Variants in MPZL3 observed in about 807,000 individuals in gnomAD.
MPZL3 encodes the protein myelin protein zero-like protein 3.
A neutral mutation model predicts 24.8 loss-of-function variants in MPZL3; 23 were observed. The observed-to-expected ratio is 0.93, with a 90% confidence interval of 0.67 to 1.31. The LOEUF (loss-of-function observed/expected upper bound fraction) is 1.31, where lower values mean the gene tolerates loss of function less well. MPZL3 is among the 40% of genes most tolerant of loss of function. The pLI is 0.00. For missense variants in MPZL3, 277 were observed against 294.9 expected (o/e 0.94, Z 0.44); for synonymous variants, 99 against 106.5 (o/e 0.93, Z 0.44).
chr11:118,236,929 A>G, intron 3 of MPZL3, 121 bp downstream of exon 3: 1 of 764,124 alleles, frequency 1.3e-6, no homozygotes. Flanking sequence ...ACTTCGATTC[A>G]ATGATTTAAT....
chr11:118,243,226 AT>A (rs1949517759), intron 1 of MPZL3, among the ~76,000 whole-genome samples: 1 of 152,136 alleles, frequency 6.6e-6, no homozygotes, highest in Admixed American at 6.5e-5. Context: ...CCATTCCATG[AT>A]TCCTCAAGCC....
rs1949307501 is a variant in MPZL3 at position 118,228,845 on chromosome 11, C to A, written c.*1049G>T. The A allele has an allele frequency of 2.0e-5, 3 of 152,192 alleles. No homozygotes were observed. In the South Asian group the frequency reaches 6.2e-4, roughly 32 times the overall value. The allele number at this position is 152,192 out of a possible 1,614,324, so 9.4% of individuals were successfully genotyped here. Reference sequence around the variant, plus strand: ...TTGTAGTTATAAGAAAATAAAATAACAGGCCAAGCACAGTGGCTCATGCCT... The same window carrying A: ...TTGTAGTTATAAGAAAATAAAATAAAAGGCCAAGCACAGTGGCTCATGCCT... On this transcript the variant is annotated 3_prime_UTR_variant, in exon 6 of 6. Coordinates refer to ENST00000278949, the MANE Select transcript of MPZL3 (RefSeq NM_198275.3).
At chr11:118,235,723 G>T (rs755592469) in intron 3 of MPZL3, 134 bp from the exon 4 acceptor site, 192 of 926,092 alleles carry the variant, frequency 2.1e-4, no homozygotes, top group Non-Finnish European at 2.8e-4. Context: ...GTGAAAGGTA[G>T]AAAATACACA....
chr11:118,242,544 T>C (rs1345916463), intron 1 of MPZL3, among the ~76,000 whole-genome samples: 3 of 152,112 alleles, frequency 2.0e-5, no homozygotes, highest in African/African-American at 7.2e-5. Context: ...AATCCCTTCA[T>C]CATTACTTGA....
At chr11:118,249,344 T>C (rs1456058276) in intron 1 of MPZL3, among the ~76,000 whole-genome samples, 10 of 152,204 alleles carry the variant, frequency 6.6e-5, no homozygotes, top group African/African-American at 2.4e-4. Flanking sequence ...TCTCTACATA[T>C]ATATACTGAA....
At chr11:118,237,619 G>A (rs1949443875) in intron 2 of MPZL3, among the ~76,000 whole-genome samples, 2 of 151,986 alleles carry the variant, frequency 1.3e-5, no homozygotes, top group Non-Finnish European at 2.9e-5. Context: ...GTAGGGGCCG[G>A]GAATGCTACT....
At position 118,240,276 on chromosome 11, in the gene MPZL3, C is replaced by A; in HGVS notation, c.175G>T (p.Asp59Tyr). 1 of 1,606,446 alleles carries A rather than the reference C, an allele frequency of 6.2e-7. No individual in the cohort carries two copies. The highest frequency in any genetic ancestry group is 8.5e-7 in the Non-Finnish European group (1 of 1,177,444). ...KLKCTFKSTSDVTDKLTIDWT... is the reference protein window; with the variant it reads ...KLKCTFKSTSYVTDKLTIDWT... ...TCTATAGTAAGTTTGTCAGTGACATCTGAAGTTGACTTGAAAGTGCATTTC... is the reference window on the plus strand; with the variant it reads ...TCTATAGTAAGTTTGTCAGTGACATATGAAGTTGACTTGAAAGTGCATTTC... The change falls in exon 2 of 6, where the codon GAT becomes TAT. Residue 59 changes from aspartate (D) to tyrosine (Y), a missense_variant. By Grantham distance (160) the Asp-to-Tyr change is radical (BLOSUM62 -3). Coordinates refer to ENST00000278949, the MANE Select transcript of MPZL3 (RefSeq NM_198275.3).
intron 1 of MPZL3, among the ~76,000 whole-genome samples, chr11:118,245,422 A>G (rs1029174056): frequency 1.3e-5 from 2 of 152,258 alleles, no homozygotes; most frequent in Admixed American, 6.5e-5. Context: ...ATTAAGAAAG[A>G]AGGGAAGTTT....
At position 118,235,494 on chromosome 11, in the gene MPZL3, T is replaced by A. The variant is rs751027464; in HGVS notation, c.547A>T (p.Arg183Trp). Residue 183 changes from arginine to tryptophan, a missense_variant, in exon 4 of 6, where the codon AGG becomes TGG. Transcript: ENST00000278949. ...CTCTTCTTCAGCCCAGCAGCCTTCC[T>A]CCCCATTCTCACCAGCAGCAGAGCA... ...VVALLLVRMG[R>W]KAAGLKKRSR... 23 of 1,613,540 alleles carry A rather than the reference T, an allele frequency of 1.4e-5. No individual in the cohort carries two copies. Among genetic ancestry groups the A allele is most frequent in the Middle Eastern group, 1.6e-4 (1 of 6,080 alleles).
intron 1 of MPZL3, among the ~76,000 whole-genome samples, chr11:118,243,599 T>A (rs1949524454): frequency 6.6e-6 from 1 of 152,016 alleles, no homozygotes; most frequent in African/African-American, 2.4e-5. Flanking sequence ...CAAAACCCTG[T>A]CTCTACTGAA....
intron 5 of MPZL3, among the ~76,000 whole-genome samples, chr11:118,230,414 C>T (rs1308636289): frequency 6.6e-6 from 1 of 152,156 alleles, no homozygotes; most frequent in African/African-American, 2.4e-5. Context: ...TAAAAATACA[C>T]CTCATAGAAC....
At chr11:118,230,006 A>G in intron 5 of MPZL3, 86 bp from the exon 6 acceptor site, 1 of 1,307,408 alleles carries the variant, frequency 7.6e-7, no homozygotes. Context: ...CTCCAAATGG[A>G]ACCTGGCTTG....
chr11:118,246,556 G>C (rs1949558073), intron 1 of MPZL3, among the ~76,000 whole-genome samples: 1 of 150,488 alleles, frequency 6.6e-6, no homozygotes, highest in African/African-American at 2.5e-5. Context: ...AAAAGTGTAT[G>C]GGCCACTTTT....
intron 3 of MPZL3, among the ~76,000 whole-genome samples, chr11:118,235,951 T>C (rs1255935699): frequency 3.9e-5 from 6 of 152,360 alleles, no homozygotes; most frequent in African/African-American, 1.4e-4. Flanking sequence ...ATGTGATGTG[T>C]AATCGCTGCA....
intron 1 of MPZL3, among the ~76,000 whole-genome samples, chr11:118,243,286 T>C (rs1394061679): frequency 6.6e-6 from 1 of 152,160 alleles, no homozygotes; most frequent in Non-Finnish European, 1.5e-5. Context: ...CCCCTCATTC[T>C]CAGAAGAAAA....
intron 5 of MPZL3, 88 bp from the exon 6 acceptor site, chr11:118,230,008 C>T (rs1310269112): frequency 1.5e-6 from 2 of 1,292,294 alleles, no homozygotes; most frequent in South Asian, 1.3e-5. Context: ...CCAAATGGAA[C>T]CTGGCTTGGG....
At chr11:118,233,332 G>T in intron 5 of MPZL3, 128 bp downstream of exon 5, 1 of 998,506 alleles carries the variant, frequency 1.0e-6, no homozygotes, top group Non-Finnish European at 1.5e-6. Flanking sequence ...GGGGAAAGAT[G>T]CTGGTTCATA....
At chr11:118,250,168 A>ATTTTTTTTTTT (rs71041823) in intron 1 of MPZL3, among the ~76,000 whole-genome samples, 5 of 104,262 alleles carry the variant, frequency 4.8e-5, no homozygotes, top group African/African-American at 7.6e-5. Flanking sequence ...CACCTGGCTA[A>ATTTTTTTTTTT]TTTTTTTTTT....
intron 5 of MPZL3, among the ~76,000 whole-genome samples, chr11:118,231,344 G>A (rs1045146685): frequency 7.2e-5 from 11 of 152,036 alleles, no homozygotes; most frequent in Admixed American, 5.2e-4. Flanking sequence ...CTCACTAGCC[G>A]CTCTTTCTTA....
Sources: gnomAD v4.1 joint callset for allele counts (sites outside exome capture counted in the v4.1 genomes callset) on GRCh38, gnomAD v4.1.1 for gene constraint, MANE v1.5 for transcripts, NCBI Gene and HGNC (gene_info 2026-07-23, HGNC 2026-07-21) for gene names.